The following ZNF620 variants were observed in gnomAD, a reference collection of about 807,000 sequenced individuals.
The protein encoded by ZNF620 is zinc finger protein 620.
In ZNF620, 10 loss-of-function variants were observed where a neutral mutation model predicts 13.3. The observed-to-expected ratio is 0.75, with a 90% CI of 0.46 to 1.28. The LOEUF (loss-of-function observed/expected upper bound fraction) is 1.28, where lower values mean the gene tolerates loss of function less well. ZNF620 is among the 50% of genes most tolerant of loss of function. The probability of loss-of-function intolerance (pLI) is 0.00; values close to 1 mark genes in which losing one functional copy is unlikely to be tolerated. For synonymous variants in ZNF620, 166 were observed against 177.6 expected, an observed-to-expected ratio of 0.93 and a Z score of 0.52; for missense variants, 461 against 500.2, an observed-to-expected ratio of 0.92 and a Z score of 0.75.
chr3:40,507,571 GTTTTC>G (rs1382526818), intron 2 of ZNF620, among the ~76,000 whole-genome samples: 11 of 152,158 alleles, frequency 7.2e-5, no homozygotes, highest in Non-Finnish European at 1.6e-4. Context: ...TTGATTTGCA[GTTTTC>G]TTTTCTTGTG....
rs1241756568 is a variant in ZNF620, at chr3:40,516,140, A to T, written c.546A>T (p.Gln182His). 6.2e-7 allele frequency: 1 copy of T among 1,613,968 alleles called. No homozygotes were observed. Among genetic ancestry groups the T allele is most frequent in the East Asian group, 2.2e-5 (1 of 44,894 alleles). ...GAAAAAATATTAGCGTCAGCACACA[A>T]CTCACTACAAATCAGACAAATCCTA... ...KLGKNISVST[Q>H]LTTNQTNPSG... Residue 182 changes from glutamine (Q) to histidine (H), a missense_variant, in exon 5 of 5, where the codon CAA becomes CAT. Physicochemically the swap from Gln to His is conservative, Grantham distance 24. Transcript: ENST00000314529.
At chr3:40,510,268 C>G (rs1352473551) in intron 2 of ZNF620, among the ~76,000 whole-genome samples, 1 of 152,154 alleles carries the variant, frequency 6.6e-6, no homozygotes, top group Admixed American at 6.5e-5. Context: ...TCACCTTGGC[C>G]TCCCAAGGGG....
intron 2 of ZNF620, among the ~76,000 whole-genome samples, chr3:40,507,021 A>G (rs184626595): frequency 2.0e-5 from 3 of 146,754 alleles, no homozygotes; most frequent in Non-Finnish European, 4.5e-5. Context: ...CTTTGGTGAG[A>G]GTTTTTATAG....
At position 40,509,577 on chromosome 3, in the gene ZNF620, G is replaced by A. The variant is rs919097230; in HGVS notation, c.25-1893G>A. ...TAGGATTAATGGTGTGTAAATATCA[G>A]GCATCGTTCTTTTCAGTCTTTCCAA... On this transcript the variant is annotated intron_variant, in intron 2 of 4. Transcript: ENST00000314529. Among the ~76,000 whole-genome samples the A allele has an allele frequency of 2.0e-5, 3 of 152,156 alleles. No individual in the cohort carries two copies. The East Asian group carries it at 5.8e-4, about 29-fold the overall frequency.
rs1698411179 is a variant in ZNF620 at position 40,516,977 on chromosome 3, C to A, written c.*114C>A. 1 of 1,235,646 alleles carries A rather than the reference C, an allele frequency of 8.1e-7. No homozygotes were observed. Among genetic ancestry groups the A allele is most frequent in the African/African-American group, 1.5e-5 (1 of 66,400 alleles). The allele number at this position is 1,235,646 out of a possible 1,614,324, so 76.5% of individuals were successfully genotyped here. A position where few individuals can be genotyped will look rare whatever the true frequency, so the allele number is the denominator to read the frequency against. On this transcript the variant is annotated 3_prime_UTR_variant, in exon 5 of 5. Transcript: ENST00000314529. The stretch of plus-strand genomic sequence containing the variant: ...AGACACTTGGCTTTCATCATGAACT[C>A]TTCTTTAAGTTTTTTGAACCTGTTT...
chr3:40,509,550 C>T (rs1371199576), intron 2 of ZNF620, among the ~76,000 whole-genome samples: 3 of 152,044 alleles, frequency 2.0e-5, no homozygotes, highest in African/African-American at 7.2e-5. Context: ...TCCTATTTTC[C>T]ATAGGATTAA....
intron 2 of ZNF620, among the ~76,000 whole-genome samples, chr3:40,507,528 A>T (rs1458155739): frequency 6.6e-6 from 1 of 152,136 alleles, no homozygotes; most frequent in East Asian, 1.9e-4. Flanking sequence ...TTAAAATTTT[A>T]TTTAGAATTT....
intron 3 of ZNF620, 28 bp from the exon 4 acceptor site, chr3:40,512,374 C>G: frequency 6.2e-7 from 1 of 1,601,000 alleles, no homozygotes; most frequent in Non-Finnish European, 8.6e-7. Context: ...TTCCCCTTAC[C>G]TTTTCCTGTT....
chr3:40,509,518 C>T (rs888861366), intron 2 of ZNF620, among the ~76,000 whole-genome samples: 22 of 152,152 alleles, frequency 1.4e-4, no homozygotes, highest in African/African-American at 5.1e-4. Flanking sequence ...ATGCATGAGC[C>T]ACCGTGCCTG....
rs759429650 is a variant in ZNF620 at position 40,515,887 on chromosome 3, G to A, written c.293G>A (p.Gly98Glu). ...PGDEARTEKE[G>E]LTPKDHVSKE... Reference sequence around the variant, plus strand: ...GATGAGGCCAGAACTGAGAAGGAAGGATTAACTCCAAAGGATCATGTGTCC... The same window carrying A: ...GATGAGGCCAGAACTGAGAAGGAAGAATTAACTCCAAAGGATCATGTGTCC... The change falls in exon 5 of 5, where the codon GGA becomes GAA. Residue 98 changes from glycine (G) to glutamate (E), a missense_variant. Transcript: ENST00000314529. 1.2e-6 allele frequency: 2 copies of A among 1,611,566 alleles called. No individual in the cohort carries two copies. Among genetic ancestry groups the A allele is most frequent in the Non-Finnish European group, 1.7e-6 (2 of 1,178,936 alleles).
intron 4 of ZNF620, 74 bp from the exon 5 acceptor site, chr3:40,515,781 TGTGTG>T (rs1284522918): frequency 6.2e-3 from 160 of 25,630 alleles, no homozygotes; most frequent in Non-Finnish European, 9.5e-3. Flanking sequence ...GCACAGATAT[TGTGTG>T]TGTGTGTGTG....
rs771429755 is a variant in ZNF620, at chr3:40,516,637, A to G, written c.1043A>G (p.Asn348Ser). ...CKECGKRLSS[N>S]TALTQHQRIH... ...GAGTGTGGAAAACGATTAAGCTCCA[A>G]CACAGCCTTGACTCAGCATCAGCGA... Residue 348 changes from asparagine to serine, a missense_variant, in exon 5 of 5, where the codon AAC becomes AGC. Transcript: ENST00000314529. The G allele has an allele frequency of 1.9e-6, 3 of 1,613,772 alleles. No homozygotes were observed. The highest frequency in any genetic ancestry group is 2.5e-6 in the Non-Finnish European group (3 of 1,179,732).
Position 40,516,406 on chromosome 3 carries a change from A to G in ZNF620, c.812A>G (p.Gln271Arg). 2 of 1,614,242 alleles carry G rather than the reference A, an allele frequency of 1.2e-6. No homozygotes were observed. The highest frequency in any genetic ancestry group is 1.7e-6 in the Non-Finnish European group (2 of 1,180,046). The stretch of plus-strand genomic sequence containing the variant: ...TCAGACACAGCCTTGATTCAGCATC[A>G]GAGAATCCACACTGGAGAAAAGCCC... Reference protein sequence around the residue: ...LSSDTALIQHQRIHTGEKPYE... With the variant: ...LSSDTALIQHRRIHTGEKPYE... Residue 271 changes from glutamine to arginine, a missense_variant, in exon 5 of 5, where the codon CAG becomes CGG. Transcript: ENST00000314529.
chr3:40,514,697 A>G (rs1260270324), intron 4 of ZNF620, among the ~76,000 whole-genome samples: 1 of 152,160 alleles, frequency 6.6e-6, no homozygotes, highest in Non-Finnish European at 1.5e-5. Context: ...ACTTGAACCC[A>G]GGAGGTGGAG....
At position 40,508,860 on chromosome 3, in the gene ZNF620, C is replaced by T. The variant is rs149365689; in HGVS notation, c.24+2484C>T. The T allele has an allele frequency of 2.4e-3, 1,092 of 449,496 alleles. 4 individuals carry two copies. Among genetic ancestry groups the T allele is most frequent in the African/African-American group, 0.017 (862 of 49,922 alleles). 27.8% of individuals were successfully genotyped at this position (449,496 alleles called of 1,614,324 possible). On this transcript the variant is annotated intron_variant, in intron 2 of 4. Coordinates refer to ENST00000314529, the MANE Select transcript of ZNF620 (RefSeq NM_175888.4). Reference sequence around the variant, plus strand: ...CTCAAACTCCTAGATGCAAGCCATCCTCCCGCCTCCACCTCCCAAAGTGCT... The same window carrying T: ...CTCAAACTCCTAGATGCAAGCCATCTTCCCGCCTCCACCTCCCAAAGTGCT...
At chr3:40,506,675 GTACT>G (rs1284338077) in intron 2 of ZNF620, among the ~76,000 whole-genome samples, 2 of 152,212 alleles carry the variant, frequency 1.3e-5, no homozygotes, top group Non-Finnish European at 1.5e-5. Context: ...GCTTGGAGAA[GTACT>G]TACTTCTTCA....
At chr3:40,506,501 A>C (rs1428668972) in intron 2 of ZNF620, 125 bp downstream of exon 2, 1 of 1,106,132 alleles carries the variant, frequency 9.0e-7, no homozygotes, top group Non-Finnish European at 1.3e-6. Context: ...TCACTATGAG[A>C]GGGATGGAGA....
chr3:40,517,414 G>A lies in ZNF620; in HGVS notation c.*551G>A, dbSNP rs1698427070. 6.6e-6 allele frequency: 1 copy of A among 152,096 alleles called. No individual in the cohort carries two copies. The highest frequency in any genetic ancestry group is 2.4e-5 in the African/African-American group (1 of 41,366). 9.4% of individuals were successfully genotyped at this position (152,096 alleles called of 1,614,324 possible). A position where few individuals can be genotyped will look rare whatever the true frequency, so the allele number is the denominator to read the frequency against. On this transcript the variant is annotated 3_prime_UTR_variant, in exon 5 of 5. Transcript: ENST00000314529. The stretch of plus-strand genomic sequence containing the variant: ...AACACAAAAATTAGCCAGGCATGGT[G>A]GCGCATGCCTGTAATCCCAGCTACT...
At chr3:40,506,726 T>A (rs1174961789) in intron 2 of ZNF620, among the ~76,000 whole-genome samples, 1 of 152,224 alleles carries the variant, frequency 6.6e-6, no homozygotes, top group African/African-American at 2.4e-5. Context: ...TAGATTCCAT[T>A]GTATTTTCTA....
Sources: gnomAD v4.1 joint callset for allele counts (sites outside exome capture counted in the v4.1 genomes callset) on GRCh38, gnomAD v4.1.1 for gene constraint, MANE v1.5 for transcripts, NCBI Gene and HGNC (gene_info 2026-07-23, HGNC 2026-07-21) for gene names.